CCDC83: variants seen among roughly 807,000 people sequenced by gnomAD.
CCDC83 encodes coiled-coil domain containing 83.
A neutral mutation model predicts 50.1 loss-of-function variants in CCDC83; 54 were observed. The observed-to-expected ratio is 1.08, with a 90% CI of 0.87 to 1.35. The LOEUF (loss-of-function observed/expected upper bound fraction) is 1.35. CCDC83 is among the 40% of genes most tolerant of loss of function. The pLI is 0.00. For synonymous variants in CCDC83, 161 were observed against 153.3 expected (o/e 1.05, Z -0.37); for missense variants, 518 against 473.9 (o/e 1.09, Z -0.86).
chr11:85,907,163 T>A (rs1267716507), intron 7 of CCDC83, among the ~76,000 whole-genome samples: 1 of 152,218 alleles, frequency 6.6e-6, no homozygotes, highest in Non-Finnish European at 1.5e-5. Flanking sequence ...TTTCTCCATT[T>A]ATCTCTCAGC....
chr11:85,912,639 C>T (rs2093459919), intron 8 of CCDC83: 2 of 1,559,332 alleles, frequency 1.3e-6, no homozygotes, highest in African/African-American at 2.7e-5. Flanking sequence ...GCCCTCCTCT[C>T]TGTGATCAGG....
At chr11:85,876,296 G>C (rs1159292176) in intron 3 of CCDC83, among the ~76,000 whole-genome samples, 1 of 151,956 alleles carries the variant, frequency 6.6e-6, no homozygotes, top group Non-Finnish European at 1.5e-5. Context: ...ATCTATATTT[G>C]ATAAATTTCA....
At chr11:85,867,096 C>T (rs1377285086) in intron 2 of CCDC83, among the ~76,000 whole-genome samples, 3 of 152,162 alleles carry the variant, frequency 2.0e-5, no homozygotes, top group Admixed American at 6.5e-5. Flanking sequence ...CACTCTGTCA[C>T]CCAGGCTGGA....
chr11:85,855,777 G>A (rs1322865346), intron 1 of CCDC83, among the ~76,000 whole-genome samples, 193 bp downstream of exon 1: 2 of 152,164 alleles, frequency 1.3e-5, no homozygotes, highest in Non-Finnish European at 1.5e-5. Context: ...ACTTGGCCTA[G>A]GTTATACAAC....
chr11:85,883,561 A>G (rs1476400091), intron 4 of CCDC83, among the ~76,000 whole-genome samples: 1 of 152,108 alleles, frequency 6.6e-6, no homozygotes, highest in Non-Finnish European at 1.5e-5. Context: ...CATGGTACTG[A>G]GGGTAAATCA....
chr11:85,881,224 T>A (rs2093297920), intron 3 of CCDC83, among the ~76,000 whole-genome samples: 2 of 151,644 alleles, frequency 1.3e-5, no homozygotes, highest in Admixed American at 6.6e-5. Flanking sequence ...CAAAAAAAAA[T>A]TAGCCAGGTA....
intron 7 of CCDC83, among the ~76,000 whole-genome samples, chr11:85,901,917 G>A (rs964561860): frequency 1.3e-5 from 2 of 151,938 alleles, no homozygotes; most frequent in African/African-American, 4.8e-5. Flanking sequence ...TGTGGTCTCA[G>A]CTACTCAGGA....
chr11:85,868,107 A>C (rs1428246784), intron 2 of CCDC83, among the ~76,000 whole-genome samples: 2 of 152,244 alleles, frequency 1.3e-5, no homozygotes, highest in East Asian at 3.9e-4. Context: ...GTTTTTGAGC[A>C]ACTGAACTTT....
intron 4 of CCDC83, among the ~76,000 whole-genome samples, chr11:85,884,479 C>T (rs2093317000): frequency 6.6e-6 from 1 of 152,072 alleles, no homozygotes; most frequent in African/African-American, 2.4e-5. Flanking sequence ...ACTGCTGCAA[C>T]CCTTTTCATC....
chr11:85,901,021 C>T (rs2135100968), intron 7 of CCDC83, among the ~76,000 whole-genome samples: 1 of 151,614 alleles, frequency 6.6e-6, no homozygotes, highest in South Asian at 2.1e-4. Context: ...GCCAACATCC[C>T]ATCAATGCAT....
At chr11:85,886,026 G>A (rs1003065385) in intron 4 of CCDC83, among the ~76,000 whole-genome samples, 174 bp from the exon 5 acceptor site, 1 of 152,032 alleles carries the variant, frequency 6.6e-6, no homozygotes, top group African/African-American at 2.4e-5. Flanking sequence ...TTGAATCAGG[G>A]GAGATAGATA....
intron 3 of CCDC83, among the ~76,000 whole-genome samples, chr11:85,879,105 C>T (rs1382861781): frequency 2.0e-5 from 3 of 152,124 alleles, no homozygotes; most frequent in African/African-American, 4.8e-5. Flanking sequence ...ACAAAAAGGT[C>T]TGTAACAGAG....
intron 6 of CCDC83, among the ~76,000 whole-genome samples, 169 bp from the exon 7 acceptor site, chr11:85,898,778 C>G (rs1288323781): frequency 6.6e-6 from 1 of 152,186 alleles, no homozygotes; most frequent in Non-Finnish European, 1.5e-5. Flanking sequence ...AAAAGCAATA[C>G]AATAGGATAG....
At position 85,898,991 on chromosome 11, in the gene CCDC83, G is replaced by A; in HGVS notation, c.648G>A (p.Trp216Ter). Reference sequence around the variant, plus strand: ...ACAAGGGCAGTTATCTAGAGATCTGGGAGAATGACTGGCTCAAAAAAGAGG... The same window carrying A: ...ACAAGGGCAGTTATCTAGAGATCTGAGAGAATGACTGGCTCAAAAAAGAGG... ...LIDKGSYLEI[W>*]ENDWLKKEVA... Residue 216 changes from tryptophan to a stop codon, truncating the protein, a stop_gained, in exon 7 of 11, where the codon TGG becomes TGA. Transcript: ENST00000342404. LOFTEE classifies it high-confidence loss of function. 1 of 1,611,688 alleles carries A rather than the reference G, an allele frequency of 6.2e-7. No homozygotes were observed. The highest frequency in any genetic ancestry group is 8.5e-7 in the Non-Finnish European group (1 of 1,178,498).
chr11:85,915,527 A>AT (rs2093473654), intron 9 of CCDC83, 29 bp downstream of exon 9: 2 of 1,484,742 alleles, frequency 1.3e-6, no homozygotes, highest in Non-Finnish European at 9.3e-7. Context: ...AATGATGATG[A>AT]TTTTTTTCAA....
intron 3 of CCDC83, among the ~76,000 whole-genome samples, chr11:85,878,562 G>C (rs2093281281): frequency 6.6e-6 from 1 of 152,224 alleles, no homozygotes; most frequent in Admixed American, 6.5e-5. Context: ...GGATGTACCA[G>C]TTTGTTTAAC....
At chr11:85,855,071 G>C (rs1044337993), upstream of CCDC83, 2 of 148,568 alleles carry the variant, frequency 1.3e-5, no homozygotes, top group Non-Finnish European at 1.5e-5. Flanking sequence ...GGTGGGGAGG[G>C]AGTAGGGAGG....
intron 6 of CCDC83, among the ~76,000 whole-genome samples, chr11:85,895,792 C>T (rs1240729071): frequency 1.3e-5 from 2 of 152,016 alleles, no homozygotes; most frequent in Admixed American, 6.6e-5. Flanking sequence ...TATAATCTCT[C>T]ACAAGAAGCA....
chr11:85,919,614 C>A lies in CCDC83; in HGVS notation c.*104C>A, dbSNP rs1366604264. On this transcript the variant is annotated 3_prime_UTR_variant, in exon 11 of 11. Transcript: ENST00000342404. The stretch of plus-strand genomic sequence containing the variant: ...ACTTACACTTTGGCTCATTTTTAAA[C>A]CAGCTGTTATTTCTAAAGGTCATAT... 8.4e-5 allele frequency: 67 copies of A among 799,936 alleles called. No homozygotes were observed. In the South Asian group the frequency reaches 1.1e-3, roughly 13 times the overall value. 49.6% of individuals were successfully genotyped at this position (799,936 alleles called of 1,614,324 possible). A position where few individuals can be genotyped will look rare whatever the true frequency, so the allele number is the denominator to read the frequency against.
Sources: allele counts gnomAD v4.1 joint callset (sites outside exome capture counted in the v4.1 genomes callset), GRCh38; gene constraint gnomAD v4.1.1; transcripts MANE v1.5; gene names NCBI Gene and HGNC (gene_info 2026-07-23, HGNC 2026-07-21).